RSRC1: variants seen among roughly 807,000 people sequenced by gnomAD.
RSRC1 encodes the protein serine/Arginine-related protein 53.
RSRC1 carries 39 observed loss-of-function variants against 49.1 expected under a neutral mutation model. The ratio of observed to expected loss-of-function variants is 0.79; its 90% CI spans 0.61 to 1.04. The LOEUF is 1.04. Ranked by LOEUF, RSRC1 falls within the 50% of genes least tolerant of loss-of-function variation. The probability of loss-of-function intolerance (pLI) is 0.00; values close to 1 mark genes in which losing one functional copy is unlikely to be tolerated. For missense variants in RSRC1, 388 were observed against 402.4 expected (o/e 0.96, Z 0.31); for synonymous variants, 143 against 130.8 (o/e 1.09, Z -0.63).
chr3:158,224,883 C>T (rs1017388952), intron 4 of RSRC1, among the ~76,000 whole-genome samples: 2 of 151,678 alleles, frequency 1.3e-5, no homozygotes, highest in African/African-American at 4.8e-5. Flanking sequence ...GTTTTAACAA[C>T]TGAAAAAGAA....
chr3:158,209,491 C>A (rs1721541678), intron 4 of RSRC1, among the ~76,000 whole-genome samples: 1 of 152,016 alleles, frequency 6.6e-6, no homozygotes, highest in African/African-American at 2.4e-5. Context: ...CAGAATGCAC[C>A]AAGACACCTA....
intron 4 of RSRC1, among the ~76,000 whole-genome samples, chr3:158,258,884 T>C (rs1724728296): frequency 6.6e-6 from 1 of 152,164 alleles, no homozygotes; most frequent in Non-Finnish European, 1.5e-5. Flanking sequence ...TTCTAGATTT[T>C]CTGCTGGATT....
intron 8 of RSRC1, among the ~76,000 whole-genome samples, chr3:158,542,743 T>C (rs957751359): frequency 2.6e-5 from 4 of 152,176 alleles, no homozygotes; most frequent in Non-Finnish European, 5.9e-5. Context: ...AAGTTGATTC[T>C]GGTAATAATT....
chr3:158,292,206 A>G (rs1391126441), intron 4 of RSRC1, among the ~76,000 whole-genome samples: 1 of 152,218 alleles, frequency 6.6e-6, no homozygotes, highest in Non-Finnish European at 1.5e-5. Flanking sequence ...TGCTGCCTCA[A>G]CTACAAATTG....
chr3:158,232,526 A>G (rs568358060), intron 4 of RSRC1, among the ~76,000 whole-genome samples: 1 of 152,160 alleles, frequency 6.6e-6, no homozygotes, highest in Admixed American at 6.6e-5. Flanking sequence ...ATTGTTGACT[A>G]TACGCTTTCT....
intron 6 of RSRC1, among the ~76,000 whole-genome samples, chr3:158,402,482 T>C (rs987988091): frequency 6.6e-6 from 1 of 151,818 alleles, no homozygotes; most frequent in Non-Finnish European, 1.5e-5. Context: ...TTTATATAAC[T>C]GTTGGAGCTG....
intron 3 of RSRC1, among the ~76,000 whole-genome samples, chr3:158,194,041 G>C (rs1720393163): frequency 6.8e-6 from 1 of 147,874 alleles, no homozygotes; most frequent in South Asian, 2.1e-4. Context: ...GCAAAATAGT[G>C]AGACCCCGTC....
At chr3:158,517,217 G>A (rs1163659001) in intron 7 of RSRC1, among the ~76,000 whole-genome samples, 1 of 152,128 alleles carries the variant, frequency 6.6e-6, no homozygotes, top group African/African-American at 2.4e-5. Context: ...CTGCTATATA[G>A]AAATGAAGTT....
chr3:158,507,632 T>A (rs746664434), intron 7 of RSRC1, among the ~76,000 whole-genome samples: 15 of 152,196 alleles, frequency 9.9e-5, no homozygotes, highest in Admixed American at 7.9e-4. Context: ...TGGCCTGTCT[T>A]ATGTATGAAA....
intron 6 of RSRC1, among the ~76,000 whole-genome samples, chr3:158,435,338 A>G (rs1257445907): frequency 1.3e-5 from 2 of 151,778 alleles, no homozygotes; most frequent in African/African-American, 2.4e-5. Flanking sequence ...AAATAATACT[A>G]TTGTCAGTGT....
chr3:158,482,786 T>A (rs6778202), intron 7 of RSRC1, among the ~76,000 whole-genome samples: 78,909 of 151,752 alleles, frequency 0.52, 21,064 homozygotes, highest in African/African-American at 0.64. Flanking sequence ...CATGAAAAAA[T>A]GTTTTTATTT....
intron 3 of RSRC1, among the ~76,000 whole-genome samples, chr3:158,156,909 G>T (rs1445055469): frequency 6.6e-6 from 1 of 152,156 alleles, no homozygotes; most frequent in Non-Finnish European, 1.5e-5. Flanking sequence ...GTAACACAGA[G>T]ACACTAAGTG....
chr3:158,411,903 T>G (rs1734482943), intron 6 of RSRC1, among the ~76,000 whole-genome samples: 1 of 152,148 alleles, frequency 6.6e-6, no homozygotes, highest in Non-Finnish European at 1.5e-5. Flanking sequence ...TAACTGAACA[T>G]AGCTCTTCCT....
chr3:158,202,234 C>T (rs1419459062), intron 3 of RSRC1, among the ~76,000 whole-genome samples: 2 of 152,022 alleles, frequency 1.3e-5, no homozygotes, highest in Non-Finnish European at 1.5e-5. Flanking sequence ...AGGCTGGTCT[C>T]GGACCCCTGA....
At chr3:158,272,013 G>T (rs1399823130) in intron 4 of RSRC1, among the ~76,000 whole-genome samples, 1 of 151,940 alleles carries the variant, frequency 6.6e-6, no homozygotes, top group Non-Finnish European at 1.5e-5. Flanking sequence ...AACTGCTTTT[G>T]CACTTTTCTC....
At chr3:158,332,123 A>T (rs975058937) in intron 5 of RSRC1, among the ~76,000 whole-genome samples, 1 of 152,144 alleles carries the variant, frequency 6.6e-6, no homozygotes, top group African/African-American at 2.4e-5. Flanking sequence ...TAATGTATTC[A>T]TTATATATAT....
At chr3:158,324,012 A>G (rs1728920592) in intron 5 of RSRC1, among the ~76,000 whole-genome samples, 1 of 152,194 alleles carries the variant, frequency 6.6e-6, no homozygotes, top group Non-Finnish European at 1.5e-5. Flanking sequence ...ACTTAGCAGT[A>G]TAGTATTGAT....
At chr3:158,394,335 A>G (rs1213292672) in intron 6 of RSRC1, among the ~76,000 whole-genome samples, 1 of 152,128 alleles carries the variant, frequency 6.6e-6, no homozygotes, top group Non-Finnish European at 1.5e-5. Context: ...AAAAAAAGGC[A>G]TTCAAATAGG....
At chr3:158,258,535 A>G (rs187660209) in intron 4 of RSRC1, among the ~76,000 whole-genome samples, 28 of 152,092 alleles carry the variant, frequency 1.8e-4, no homozygotes, top group African/African-American at 6.5e-4. Flanking sequence ...TCTATGGGTT[A>G]AATCTGCTTG....
Sources: gnomAD v4.1 joint callset for allele counts (sites outside exome capture counted in the v4.1 genomes callset) on GRCh38, gnomAD v4.1.1 for gene constraint, MANE v1.5 for transcripts, NCBI Gene and HGNC (gene_info 2026-07-23, HGNC 2026-07-21) for gene names.